RAPGEF1: variants seen among roughly 807,000 people sequenced by gnomAD.
RAPGEF1 encodes the protein CRK SH3-binding GNRP.
A neutral mutation model predicts 143.3 loss-of-function variants in RAPGEF1; 33 were observed. That is an observed-to-expected ratio of 0.23 (90% CI 0.17 to 0.31). The LOEUF (loss-of-function observed/expected upper bound fraction) is 0.31, where lower values mean the gene tolerates loss of function less well. Ranked by LOEUF, RAPGEF1 falls within the 10% of genes least tolerant of loss-of-function variation. The pLI is 1.00. For synonymous variants in RAPGEF1, 629 were observed against 676.5 expected, an observed-to-expected ratio of 0.93 and a Z score of 1.09; for missense variants, 1,199 against 1,645.4, an observed-to-expected ratio of 0.73 and a Z score of 4.69.
At chr9:131,585,366 G>A (rs953723272) in intron 22 of RAPGEF1, among the ~76,000 whole-genome samples, 2 of 151,548 alleles carry the variant, frequency 1.3e-5, no homozygotes, top group Non-Finnish European at 2.9e-5. Context: ...TTTTGTAGGG[G>A]GGGGGCGTCT....
chr9:131,592,465 T>G (rs1361984357), intron 17 of RAPGEF1, among the ~76,000 whole-genome samples: 5 of 152,194 alleles, frequency 3.3e-5, no homozygotes, highest in African/African-American at 1.2e-4. Context: ...CCGATGATGG[T>G]GCTGCCTGGA....
At chr9:131,680,756 A>C (rs993489302) in intron 1 of RAPGEF1, among the ~76,000 whole-genome samples, 25 of 152,224 alleles carry the variant, frequency 1.6e-4, no homozygotes, top group Non-Finnish European at 2.8e-4. Flanking sequence ...ATCTCTGTTC[A>C]GGGCTCTCAG....
chr9:131,709,759 G>T, intron 1 of RAPGEF1: 2 of 1,606,366 alleles, frequency 1.2e-6, no homozygotes, highest in East Asian at 2.2e-5. Context: ...CGAGTCACTG[G>T]CTGAAAGGGG....
At chr9:131,642,888 A>C (rs1304545012) in intron 4 of RAPGEF1, among the ~76,000 whole-genome samples, 1 of 152,146 alleles carries the variant, frequency 6.6e-6, no homozygotes, top group Non-Finnish European at 1.5e-5. Flanking sequence ...AATGAAACTC[A>C]AAAAGTTTCA....
intron 16 of RAPGEF1, among the ~76,000 whole-genome samples, chr9:131,597,662 C>T (rs1205049289): frequency 1.3e-5 from 2 of 152,148 alleles, no homozygotes; most frequent in Admixed American, 6.5e-5. Context: ...TTTTCACCAA[C>T]GAGGTTCTGC....
intron 1 of RAPGEF1, among the ~76,000 whole-genome samples, chr9:131,670,785 TG>T (rs1831256458): frequency 1.3e-5 from 2 of 152,212 alleles, no homozygotes. Flanking sequence ...AATAATGGGT[TG>T]GGGAAGAACA....
chr9:131,676,264 T>C (rs969437861), intron 1 of RAPGEF1, among the ~76,000 whole-genome samples: 3 of 152,166 alleles, frequency 2.0e-5, no homozygotes, highest in Non-Finnish European at 4.4e-5. Flanking sequence ...CAGCGCACCC[T>C]GAGGAAAGGG....
Position 131,621,827 on chromosome 9 carries a change from G to A in RAPGEF1, c.1874C>T (p.Pro625Leu), listed in dbSNP as rs751622230. 8 of 1,609,892 alleles carry A rather than the reference G, an allele frequency of 5.0e-6. No homozygotes were observed. Among genetic ancestry groups the A allele is most frequent in the East Asian group, 2.2e-5 (1 of 44,692 alleles). ...GVDSVQELAP[P>L]PALPPKQRQL... Reference sequence around the variant, plus strand: ...CCGCTGCTTGGGGGGTAGGGCGGGCGGCGGGGCCAGCTCCTGCACGGAGTC... The same window carrying A: ...CCGCTGCTTGGGGGGTAGGGCGGGCAGCGGGGCCAGCTCCTGCACGGAGTC... Residue 625 changes from proline to leucine, a missense_variant, in exon 11 of 27, where the codon CCG (proline) becomes CTG (leucine). Around this residue, in one of 6 missense-constraint regions of RAPGEF1, gnomAD observed 293 missense variants for 356.2 expected, o/e 0.82. Transcript: ENST00000683357. This position sits in a 1 kb window ranked among gnomAD's most constrained non-coding sequence, Gnocchi z 4.5.
At position 131,667,479 on chromosome 9, in the gene RAPGEF1, T is replaced by C. The variant is rs1334828631; in HGVS notation, c.62-16530A>G. Among the ~76,000 whole-genome samples the C allele has an allele frequency of 6.6e-6, 1 of 152,104 alleles. No homozygotes were observed. The highest frequency in any genetic ancestry group is 6.6e-5 in the Admixed American group (1 of 15,262). On this transcript the variant is annotated intron_variant, in intron 1 of 26. Coordinates refer to ENST00000683357, the MANE Select transcript of RAPGEF1 (RefSeq NM_001377935.1). This position sits in a 1 kb window ranked among gnomAD's most constrained non-coding sequence, Gnocchi z 4.6. ...TGGTACAGGGACAGAGGTGGCTGGG[T>C]GATGGCCTCAAGAAATGTCACTGTG...
chr9:131,664,180 T>A (rs1183231983), intron 1 of RAPGEF1, among the ~76,000 whole-genome samples: 1 of 152,214 alleles, frequency 6.6e-6, no homozygotes, highest in East Asian at 1.9e-4. Context: ...GAATACTTCT[T>A]TGGTTTTTGA....
chr9:131,622,727 A>C (rs750008641), intron 10 of RAPGEF1, among the ~76,000 whole-genome samples: 2 of 151,804 alleles, frequency 1.3e-5, no homozygotes, highest in African/African-American at 2.4e-5. Flanking sequence ...AGCTGCTGCT[A>C]CTGAAAGGGC....
At chr9:131,654,925 G>A (rs1456921875) in intron 1 of RAPGEF1, among the ~76,000 whole-genome samples, 3 of 152,154 alleles carry the variant, frequency 2.0e-5, no homozygotes, top group African/African-American at 4.8e-5. Context: ...ACTGTCCTAC[G>A]CAATGGAAAA....
chr9:131,739,741 G>C lies in RAPGEF1; in HGVS notation c.61+29C>G, dbSNP rs1237194827. On this transcript the variant is annotated intron_variant, in intron 1 of 26. Transcript: ENST00000683357. ...GGAGCCCCAGGGCCGGGCCCGGCCG[G>C]AGGGAGCCGCCCCACGCCCGCGCCT... 1.6e-5 allele frequency: 18 copies of C among 1,118,080 alleles called. 1 individual carries two copies. The Admixed American group carries it at 5.3e-4, about 33-fold the overall frequency. 69.3% of individuals were successfully genotyped at this position (1,118,080 alleles called of 1,614,324 possible).
At position 131,667,601 on chromosome 9, in the gene RAPGEF1, G is replaced by C. The variant is rs1705538630; in HGVS notation, c.62-16652C>G. ...TCACAGCTTCCCAACATTCCAGACTGATTTTCTCTGAAGGTAGGGACCACA... is the reference window on the plus strand; with the variant it reads ...TCACAGCTTCCCAACATTCCAGACTCATTTTCTCTGAAGGTAGGGACCACA... On this transcript the variant is annotated intron_variant, in intron 1 of 26. Transcript: ENST00000683357. This position sits in a 1 kb window ranked among gnomAD's most constrained non-coding sequence, Gnocchi z 4.6. Among the ~76,000 whole-genome samples the C allele has an allele frequency of 6.6e-6, 1 of 152,214 alleles. No homozygotes were observed. Among genetic ancestry groups the C allele is most frequent in the African/African-American group, 2.4e-5 (1 of 41,468 alleles).
intron 17 of RAPGEF1, among the ~76,000 whole-genome samples, 189 bp downstream of exon 17, chr9:131,596,109 G>A (rs968983850): frequency 2.0e-5 from 3 of 152,088 alleles, no homozygotes; most frequent in South Asian, 2.1e-4. Context: ...TGCCACGCAC[G>A]CCTGGAGTTG....
At position 131,594,549 on chromosome 9, in the gene RAPGEF1, C is replaced by T. The variant is rs1017150833; in HGVS notation, c.2689+1749G>A. 2.6e-5 allele frequency among the ~76,000 whole-genome samples: 4 copies of T among 152,336 alleles called. No individual in the cohort carries two copies. The South Asian group carries it at 6.2e-4, about 24-fold the overall frequency. The stretch of plus-strand genomic sequence containing the variant: ...CTGAGCCACGGGGCTCCCAGCTGCT[C>T]GTGATGCTGGTGCAGTCTCTGGCTT... On this transcript the variant is annotated intron_variant, in intron 17 of 26. Transcript: ENST00000683357.
chr9:131,657,873 T>C lies in RAPGEF1; in HGVS notation c.62-6924A>G, dbSNP rs117638567. Among the ~76,000 whole-genome samples, 785 of 152,370 alleles carry C rather than the reference T, an allele frequency of 5.2e-3. 5 individuals are homozygous for C. The highest frequency in any genetic ancestry group is 0.024 in the Middle Eastern group (7 of 294). ...ATATCGACATATACAGTTTAACTTA[T>C]AAGTTTGTGAACGTTACCTAAGTGA... On this transcript the variant is annotated intron_variant, in intron 1 of 26. Transcript: ENST00000683357.
intron 1 of RAPGEF1, among the ~76,000 whole-genome samples, chr9:131,653,761 C>T (rs1043845559): frequency 6.6e-6 from 1 of 152,284 alleles, no homozygotes; most frequent in African/African-American, 2.4e-5. Flanking sequence ...CCCAGAAATT[C>T]CACTCCTGGG....
intron 1 of RAPGEF1, among the ~76,000 whole-genome samples, chr9:131,700,029 C>A (rs1229653333): frequency 2.6e-5 from 4 of 152,194 alleles, no homozygotes; most frequent in Non-Finnish European, 5.9e-5. Flanking sequence ...CCCCAATCAT[C>A]CCCCACAATC....
Sources: gnomAD v4.1 joint callset for allele counts (sites outside exome capture counted in the v4.1 genomes callset) on GRCh38, gnomAD v4.1.1 for gene constraint, gnomAD v4.1.1 regional missense constraint, Gnocchi (gnomAD v3.1) non-coding constraint, MANE v1.5 for transcripts, NCBI Gene and HGNC (gene_info 2026-07-23, HGNC 2026-07-21) for gene names.